Variants in TRPM3 observed in about 807,000 individuals in gnomAD.
The protein encoded by TRPM3 is long transient receptor potential channel 3.
In TRPM3, 77 loss-of-function variants were observed where a neutral mutation model predicts 181.2. The observed-to-expected ratio is 0.42, with a 90% confidence interval of 0.35 to 0.51. TRPM3 has a LOEUF of 0.51. Ranked by LOEUF, TRPM3 falls within the 20% of genes least tolerant of loss-of-function variation. The pLI is 0.01. For synonymous variants in TRPM3, 745 were observed against 796.4 expected (o/e 0.94, Z 1.09); for missense variants, 1,759 against 2,196.7 (o/e 0.80, Z 3.98).
intron 22 of TRPM3, among the ~76,000 whole-genome samples, chr9:70,561,387 C>T (rs1478347248): frequency 6.6e-6 from 1 of 152,132 alleles, no homozygotes; most frequent in Non-Finnish European, 1.5e-5. Flanking sequence ...GGAGATGCCT[C>T]CCTTTGCATG....
At chr9:71,274,050 T>C (rs1483861200) in intron 1 of TRPM3, among the ~76,000 whole-genome samples, 1 of 152,212 alleles carries the variant, frequency 6.6e-6, no homozygotes, top group Non-Finnish European at 1.5e-5. Flanking sequence ...GTGGTTGTTG[T>C]ACACTGTTCA....
rs1234817501 is a variant in TRPM3 at position 71,019,512 on chromosome 9, A to G, written c.177+101666T>C. 2.6e-5 allele frequency among the ~76,000 whole-genome samples: 4 copies of G among 152,126 alleles called. No homozygotes were observed. The East Asian group carries it at 7.7e-4, about 29-fold the overall frequency. On this transcript the variant is annotated intron_variant, in intron 1 of 25. Transcript: ENST00000677713. ...CATCAAAAATCTTTAAATGCCTAATAAAAATTTTAACAAAAGCCATGGAAG... is the reference window on the plus strand; with the variant it reads ...CATCAAAAATCTTTAAATGCCTAATGAAAATTTTAACAAAAGCCATGGAAG...
At chr9:71,419,904 C>T (rs1158219914) in intron 1 of TRPM3, among the ~76,000 whole-genome samples, 2 of 151,862 alleles carry the variant, frequency 1.3e-5, no homozygotes, top group African/African-American at 2.4e-5. Flanking sequence ...ATACATATCT[C>T]AGGTATAATT....
intron 6 of TRPM3, among the ~76,000 whole-genome samples, chr9:70,815,724 CATT>C (rs1259906182): frequency 6.6e-6 from 1 of 152,064 alleles, no homozygotes; most frequent in Non-Finnish European, 1.5e-5. Flanking sequence ...AGCTCTTTGT[CATT>C]GTTGTGAATA....
chr9:71,387,695 C>T (rs191176288), intron 1 of TRPM3, among the ~76,000 whole-genome samples: 60 of 152,130 alleles, frequency 3.9e-4, no homozygotes, highest in Admixed American at 3.3e-3. Context: ...AGTCAGATAT[C>T]GCATTCACAA....
At chr9:71,046,278 C>T (rs938526991) in intron 1 of TRPM3, among the ~76,000 whole-genome samples, 2 of 152,132 alleles carry the variant, frequency 1.3e-5, no homozygotes, top group African/African-American at 4.8e-5. Context: ...AACCACCGCG[C>T]CTGGCCTTTT....
chr9:70,865,850 G>A (rs1439370821), intron 1 of TRPM3, among the ~76,000 whole-genome samples: 1 of 152,034 alleles, frequency 6.6e-6, no homozygotes. Context: ...TCATTTCTGG[G>A]TGTTCATGCA....
intron 6 of TRPM3, among the ~76,000 whole-genome samples, chr9:70,814,623 C>T (rs898388471): frequency 6.6e-6 from 1 of 152,152 alleles, no homozygotes; most frequent in African/African-American, 2.4e-5. Flanking sequence ...ACTGTTCTCT[C>T]TAATGTCCTT....
chr9:70,894,209 ATG>A (rs2096251169), intron 1 of TRPM3, among the ~76,000 whole-genome samples: 2 of 152,324 alleles, frequency 1.3e-5, no homozygotes, highest in South Asian at 4.1e-4. Context: ...TGCAGTGAAT[ATG>A]TGTCTATGAA....
At chr9:71,332,376 G>GCGCGC (rs2090261288) in intron 1 of TRPM3, among the ~76,000 whole-genome samples, 1 of 142,248 alleles carries the variant, frequency 7.0e-6, no homozygotes, top group Admixed American at 7.0e-5. Flanking sequence ...TTCAATGTTG[G>GCGCGC]GTGTGTGTGT....
chr9:70,549,642 C>CT lies in TRPM3; in HGVS notation c.3606dup (p.Val1203SerfsTer3). 6.2e-7 allele frequency: 1 copy of CT among 1,609,852 alleles called. No homozygotes were observed. Among genetic ancestry groups the CT allele is most frequent in the Non-Finnish European group, 8.5e-7 (1 of 1,179,312 alleles). On this transcript the variant is annotated frameshift_variant, in exon 25 of 26. Coordinates refer to ENST00000677713, the MANE Select transcript of TRPM3 (RefSeq NM_001366145.2). LOFTEE classifies it high-confidence loss of function. ...ATGCATTGCTCTTCAAAGTCATGTA[C>CT]TTTCTTGAGCTCATCATCGGTTATG...
chr9:71,279,034 T>TCAAAAAAAAAAAAAAAAA (rs200421016), intron 1 of TRPM3, among the ~76,000 whole-genome samples: 1 of 47,490 alleles, frequency 2.1e-5, no homozygotes, highest in African/African-American at 1.0e-4. Flanking sequence ...CCTGCTTAGG[T>TCAAAAAAAAAAAAAAAAA]TAAAAAAAAT....
chr9:71,431,105 T>A (rs1040876555), intron 1 of TRPM3, among the ~76,000 whole-genome samples: 3 of 152,090 alleles, frequency 2.0e-5, no homozygotes, highest in African/African-American at 7.2e-5. Flanking sequence ...ACCAAGGTAA[T>A]AACTTCCCCA....
At chr9:70,883,766 G>C (rs1459659000) in intron 1 of TRPM3, among the ~76,000 whole-genome samples, 3 of 152,144 alleles carry the variant, frequency 2.0e-5, no homozygotes, top group African/African-American at 7.2e-5. Context: ...GACATCGAGG[G>C]GCGATGAGAC....
chr9:70,681,570 T>C lies in TRPM3; in HGVS notation c.1281A>G (p.Val427=), dbSNP rs764748352. 10 of 1,613,822 alleles carry C rather than the reference T, an allele frequency of 6.2e-6. No homozygotes were observed. The highest frequency in any genetic ancestry group is 8.5e-6 in the Non-Finnish European group (10 of 1,179,726). Residue 427 remains valine (V), a synonymous_variant, in exon 9 of 26, where the codon GTA becomes GTG. Coordinates refer to ENST00000677713, the MANE Select transcript of TRPM3 (RefSeq NM_001366145.2). ...GGTGTCCTTCTGATCCCATCCGAAA[T>C]ACCGTAATCTGCAATTTGAGACAAG... ...ECMKKKELIT[V]FRMGSEGHQD...
chr9:70,655,305 C>CAAAAAAAAAAAAAAAAAAAAAAAAAA (rs1169901529), intron 9 of TRPM3, among the ~76,000 whole-genome samples: 1 of 33,186 alleles, frequency 3.0e-5, no homozygotes, highest in Non-Finnish European at 5.9e-5. Context: ...GACTCCGTCT[C>CAAAAAAAAAAAAAAAAAAAAAAAAAA]AAAAAAAAAA....
intron 6 of TRPM3, among the ~76,000 whole-genome samples, chr9:70,798,218 C>A (rs2087790542): frequency 6.6e-6 from 1 of 152,094 alleles, no homozygotes; most frequent in Non-Finnish European, 1.5e-5. Flanking sequence ...CCACACCCGG[C>A]TAATTTCTAT....
intron 8 of TRPM3, among the ~76,000 whole-genome samples, chr9:70,701,426 T>C (rs964643857): frequency 3.3e-5 from 5 of 152,190 alleles, no homozygotes; most frequent in East Asian, 1.9e-4. Flanking sequence ...TCTAATTGCA[T>C]TGGGCAGGAG....
intron 1 of TRPM3, among the ~76,000 whole-genome samples, chr9:71,228,572 A>C (rs2080846052): frequency 6.6e-6 from 1 of 152,196 alleles, no homozygotes; most frequent in South Asian, 2.1e-4. Context: ...CTATTTGGAA[A>C]AACTTAAAGA....
Sources: gnomAD v4.1 joint callset for allele counts (sites outside exome capture counted in the v4.1 genomes callset) on GRCh38, gnomAD v4.1.1 for gene constraint, MANE v1.5 for transcripts, NCBI Gene and HGNC (gene_info 2026-07-23, HGNC 2026-07-21) for gene names.